Variants in ZNF420 observed in about 807,000 individuals in gnomAD.
ZNF420 encodes ATM and p53-associated KZNF protein.
In ZNF420, 31 loss-of-function variants were observed where a neutral mutation model predicts 44.7. That is an observed-to-expected ratio of 0.69 (90% CI 0.52 to 0.94). The LOEUF (loss-of-function observed/expected upper bound fraction) is 0.94, where lower values mean the gene tolerates loss of function less well. Ranked by LOEUF, ZNF420 falls within the 40% of genes least tolerant of loss-of-function variation. The pLI is 0.00. For missense variants in ZNF420, 681 were observed against 827.9 expected (o/e 0.82, Z 2.18); for synonymous variants, 245 against 267.4 (o/e 0.92, Z 0.82).
intron 1 of ZNF420, among the ~76,000 whole-genome samples, chr19:37,052,547 G>A (rs1967658465): frequency 6.6e-6 from 1 of 152,098 alleles, no homozygotes; most frequent in East Asian, 1.9e-4. Flanking sequence ...GCTCTTTTAG[G>A]GCAGGCCTGC....
intron 1 of ZNF420, among the ~76,000 whole-genome samples, chr19:37,042,224 C>T (rs1325851198): frequency 6.6e-6 from 1 of 152,214 alleles, no homozygotes; most frequent in Non-Finnish European, 1.5e-5. Flanking sequence ...GTCTTGAACT[C>T]CTGACCTTGT....
At chr19:37,079,437 G>A (rs757267750) in intron 1 of ZNF420, among the ~76,000 whole-genome samples, 1 of 152,132 alleles carries the variant, frequency 6.6e-6, no homozygotes, top group Admixed American at 6.5e-5. Context: ...TGGCTCTGAG[G>A]ACTTAAGGAC....
chr19:37,075,683 A>C (rs1212355094), upstream of ZNF420, among the ~76,000 whole-genome samples: 2 of 152,170 alleles, frequency 1.3e-5, no homozygotes, highest in Non-Finnish European at 2.9e-5. Context: ...CGGAGGTTGC[A>C]GTGAGCTGAG....
intron 1 of ZNF420, among the ~76,000 whole-genome samples, chr19:37,041,056 G>T (rs1425915133): frequency 1.3e-5 from 2 of 152,050 alleles, no homozygotes; most frequent in Non-Finnish European, 2.9e-5. Context: ...GGGCATGGTG[G>T]CTCACACCTG....
rs1971456704 is a variant in ZNF420, at chr19:37,128,077, C to T, written c.1086C>T (p.Pro362=). The change falls in exon 5 of 5, where the codon CCC becomes CCT. Residue 362 remains proline (P), a synonymous_variant. Transcript: ENST00000337995. ...AGAGGATTCATACTGGTGAAAAACC[C>T]TATAAATGTGAAGAATGTGGGAAGG... ...QHQRIHTGEK[P]YKCEECGKAF... The T allele has an allele frequency of 1.2e-6, 2 of 1,612,134 alleles. No individual in the cohort carries two copies. The highest frequency in any genetic ancestry group is 1.7e-6 in the Non-Finnish European group (2 of 1,179,368).
chr19:37,040,434 C>A (rs1039676742), intron 1 of ZNF420, among the ~76,000 whole-genome samples: 1 of 152,146 alleles, frequency 6.6e-6, no homozygotes, highest in African/African-American at 2.4e-5. Context: ...TTTCTCCATA[C>A]CAGCAATAAG....
chr19:37,064,294 ATTAAT>A (rs1568434802), intron 1 of ZNF420, among the ~76,000 whole-genome samples: 1 of 152,276 alleles, frequency 6.6e-6, no homozygotes, highest in East Asian at 1.9e-4. Flanking sequence ...CTTTCAATTT[ATTAAT>A]TTATGTCAGT....
At chr19:37,076,348 A>G (rs1260376159), upstream of ZNF420, among the ~76,000 whole-genome samples, 1 of 151,244 alleles carries the variant, frequency 6.6e-6, no homozygotes, top group Non-Finnish European at 1.5e-5. Flanking sequence ...CCCATATATA[A>G]TTGGACATAA....
At chr19:37,011,782 C>T (rs1335892448) in intron 1 of ZNF420, among the ~76,000 whole-genome samples, 1 of 152,184 alleles carries the variant, frequency 6.6e-6, no homozygotes, top group Non-Finnish European at 1.5e-5. Flanking sequence ...CTCACCCCAT[C>T]TGTTCTGGGG....
At chr19:37,081,758 C>A (rs139462111) in intron 2 of ZNF420, among the ~76,000 whole-genome samples, 3,285 of 133,940 alleles carry the variant, frequency 0.025, 134 homozygotes, top group African/African-American at 0.088. Flanking sequence ...ATTGGCCAGG[C>A]TGGTCTCAAA....
At chr19:37,019,396 G>A (rs991204404) in intron 1 of ZNF420, among the ~76,000 whole-genome samples, 5 of 152,184 alleles carry the variant, frequency 3.3e-5, no homozygotes, top group Admixed American at 6.5e-5. Flanking sequence ...TAATGATATA[G>A]AGAAATGGGA....
chr19:37,066,291 A>C (rs1038249335), intron 1 of ZNF420, among the ~76,000 whole-genome samples: 3 of 152,126 alleles, frequency 2.0e-5, no homozygotes, highest in Non-Finnish European at 4.4e-5. Context: ...AAAAATACAA[A>C]AATTAGCTGG....
At chr19:37,123,040 T>C (rs1971142899) in intron 4 of ZNF420, among the ~76,000 whole-genome samples, 1 of 152,180 alleles carries the variant, frequency 6.6e-6, no homozygotes, top group African/African-American at 2.4e-5. Context: ...GTTCCAACCT[T>C]TCAGGCAAAA....
intron 1 of ZNF420, among the ~76,000 whole-genome samples, chr19:37,037,479 T>C (rs902227820): frequency 3.3e-5 from 5 of 152,218 alleles, no homozygotes; most frequent in African/African-American, 1.2e-4. Context: ...CAAGCTACAC[T>C]TTCTGCCCCA....
chr19:37,067,935 A>G (rs1213784751), intron 1 of ZNF420, among the ~76,000 whole-genome samples: 1 of 152,144 alleles, frequency 6.6e-6, no homozygotes, highest in African/African-American at 2.4e-5. Flanking sequence ...ATACTTCAAC[A>G]CTAATCACTT....
At chr19:37,069,045 A>T (rs1968014826) in intron 1 of ZNF420, among the ~76,000 whole-genome samples, 1 of 152,072 alleles carries the variant, frequency 6.6e-6, no homozygotes, top group Non-Finnish European at 1.5e-5. Context: ...GATAAAAGAG[A>T]TACAATCAGT....
chr19:37,022,262 CTT>C (rs2074655671), intron 1 of ZNF420, among the ~76,000 whole-genome samples: 1 of 151,248 alleles, frequency 6.6e-6, no homozygotes, highest in African/African-American at 2.4e-5. Flanking sequence ...TATATTTAAA[CTT>C]AAATATATAA....
intron 1 of ZNF420, among the ~76,000 whole-genome samples, chr19:37,032,713 G>C (rs1369269410): frequency 3.3e-5 from 5 of 152,196 alleles, no homozygotes; most frequent in East Asian, 3.9e-4. Context: ...GCTGAGGCAG[G>C]AGAATTGCTT....
At chr19:37,028,426 G>A (rs1405544236) in intron 1 of ZNF420, among the ~76,000 whole-genome samples, 1 of 152,184 alleles carries the variant, frequency 6.6e-6, no homozygotes, top group East Asian at 1.9e-4. Context: ...TGAGATTTAT[G>A]TATGTTTTGA....
Sources: gnomAD v4.1 joint callset for allele counts (sites outside exome capture counted in the v4.1 genomes callset) on GRCh38, gnomAD v4.1.1 for gene constraint, MANE v1.5 for transcripts, NCBI Gene and HGNC (gene_info 2026-07-23, HGNC 2026-07-21) for gene names.